Variants in CHERP observed in about 807,000 individuals in gnomAD.
The protein encoded by CHERP is calcium homeostasis endoplasmic reticulum protein, also known as ERPROT 213-21.
In CHERP, 8 loss-of-function variants were observed where a neutral mutation model predicts 113.8. The observed-to-expected ratio is 0.07, with a 90% CI of 0.04 to 0.13. CHERP has a LOEUF of 0.13. Among genes scored for constraint, CHERP ranks in the 10% least tolerant of loss-of-function variants. The probability of loss-of-function intolerance (pLI) is 1.00; values close to 1 mark genes in which losing one functional copy is unlikely to be tolerated. For synonymous variants in CHERP, 559 were observed against 524.5 expected (o/e 1.07, Z -0.90); for missense variants, 884 against 1,298.2 (o/e 0.68, Z 4.90).
chr19:16,541,069 C>A (rs942190600), intron 2 of CHERP: 2 of 151,956 alleles, frequency 1.3e-5, no homozygotes, highest in African/African-American at 4.8e-5. Context: ...TACCTTAATA[C>A]AAGACGAGCG....
chr19:16,540,094 T>C, intron 2 of CHERP: 1 of 152,440 alleles, frequency 6.6e-6, no homozygotes, highest in Non-Finnish European at 1.5e-5. Flanking sequence ...TAGATGGAGT[T>C]TCGCTGTCTC....
chr19:16,532,430 C>A lies in CHERP; in HGVS notation c.674+168G>T. The A allele has an allele frequency of 2.6e-6, 2 of 779,286 alleles. No homozygotes were observed. The highest frequency in any genetic ancestry group is 4.0e-6 in the Non-Finnish European group (2 of 502,440). 48.3% of individuals were successfully genotyped at this position (779,286 alleles called of 1,614,324 possible). A position where few individuals can be genotyped will look rare whatever the true frequency, so the allele number is the denominator to read the frequency against. On this transcript the variant is annotated intron_variant, in intron 5 of 16. Coordinates refer to ENST00000546361, the MANE Select transcript of CHERP (RefSeq NM_006387.6). The surrounding 1 kb of genome is among the most constrained non-coding windows in gnomAD (Gnocchi z 4.4). ...CACCTAGACCTCGCAGTCCTGGAGA[C>A]AGAAGCCTGGTGGCTCACAGAGACC...
intron 2 of CHERP, among the ~76,000 whole-genome samples, chr19:16,539,435 C>A (rs1293194990): frequency 3.9e-5 from 6 of 152,176 alleles, no homozygotes; most frequent in Non-Finnish European, 8.8e-5. Context: ...GCGTGAGCCA[C>A]CGCGCCCGGC....
At chr19:16,521,923 A>C (rs534122172) in intron 11 of CHERP, among the ~76,000 whole-genome samples, 1 of 152,342 alleles carries the variant, frequency 6.6e-6, no homozygotes, top group Admixed American at 6.5e-5. Context: ...CATGGTCTCC[A>C]AACTCAGGTG....
In CHERP at chr19:16,518,512, A is replaced by C. The variant is rs2085570388; in HGVS notation, c.*647T>G. On this transcript the variant is annotated 3_prime_UTR_variant, in exon 17 of 17. Transcript: ENST00000546361. Reference sequence around the variant, plus strand: ...ACTAAGGGCCAGTACGCCTTCGAAGAATTAGGTTTCAGAATCTCACTGGGC... The same window carrying C: ...ACTAAGGGCCAGTACGCCTTCGAAGCATTAGGTTTCAGAATCTCACTGGGC... 1 of 152,240 alleles carries C rather than the reference A, an allele frequency of 6.6e-6. No individual in the cohort carries two copies. Among genetic ancestry groups the C allele is most frequent in the South Asian group, 2.1e-4 (1 of 4,836 alleles). 9.4% of individuals were successfully genotyped at this position (152,240 alleles called of 1,614,324 possible).
rs779300334 is a variant in CHERP at position 16,529,813 on chromosome 19, C to T, written c.964G>A (p.Glu322Lys). 19 of 1,613,536 alleles carry T rather than the reference C, an allele frequency of 1.2e-5. No individual in the cohort carries two copies. The highest frequency in any genetic ancestry group is 9.9e-5 in the South Asian group (9 of 91,088). The change falls in exon 8 of 17, where the codon GAG becomes AAG. Residue 322 changes from glutamate (E) to lysine (K), a missense_variant. Around this residue, in one of 8 missense-constraint regions of CHERP, gnomAD observed 464 missense variants for 590.1 expected, o/e 0.79. Transcript: ENST00000546361. ...QQIQTLKTQH[E>K]EFVTSLAQQQ... The stretch of plus-strand genomic sequence containing the variant: ...TGGGCCAGGCTGGTGACAAACTCCT[C>T]GTGCTGCGTCTTGAGGGTCTGGATC...
chr19:16,529,965 G>C, intron 7 of CHERP, 65 bp from the exon 8 acceptor site: 5 of 1,545,278 alleles, frequency 3.2e-6, no homozygotes, highest in Non-Finnish European at 4.4e-6. Context: ...TGGCGCCAGA[G>C]GACAAACGCC....
Position 16,525,572 on chromosome 19 carries a change from C to T in CHERP, c.1411G>A (p.Gly471Ser), listed in dbSNP as rs936905186. ...GMWGEQRGDP[G>S]WNGQRDAPWN... ...GGCGCGTCGCGCTGGCCGTTCCAGCCGGGGTCACCGCGCTGCTCGCCCCAC... is the reference window on the plus strand; with the variant it reads ...GGCGCGTCGCGCTGGCCGTTCCAGCTGGGGTCACCGCGCTGCTCGCCCCAC... The change falls in exon 10 of 17, where the codon GGC becomes AGC. Residue 471 changes from glycine (G) to serine (S), a missense_variant. By Grantham distance (56) the Gly-to-Ser change is moderately conservative (BLOSUM62 0). Around this residue, in one of 8 missense-constraint regions of CHERP, gnomAD observed 464 missense variants for 590.1 expected, o/e 0.79. Transcript: ENST00000546361. The surrounding 1 kb of genome is among the most constrained non-coding windows in gnomAD (Gnocchi z 6.5). 1 of 1,540,006 alleles carries T rather than the reference C, an allele frequency of 6.5e-7. No individual in the cohort carries two copies. Among genetic ancestry groups the T allele is most frequent in the Non-Finnish European group, 8.7e-7 (1 of 1,146,024 alleles).
intron 12 of CHERP, 141 bp from the exon 13 acceptor site, chr19:16,521,053 A>T: frequency 1.4e-6 from 1 of 720,866 alleles, no homozygotes; most frequent in Non-Finnish European, 2.4e-6. Context: ...GGCGCAGTAG[A>T]GCTTGGTTCA....
Position 16,523,670 on chromosome 19 carries a change from T to C in CHERP, c.1742-380A>G, listed in dbSNP as rs899781350. Among the ~76,000 whole-genome samples, 1 of 152,026 alleles carries C rather than the reference T, an allele frequency of 6.6e-6. No homozygotes were observed. The highest frequency in any genetic ancestry group is 6.6e-5 in the Admixed American group (1 of 15,242). ...ACACAAATGAGTTAAAATGAAGCCA[T>C]AGTGGCCCGAATCCAACGTGACTGT... On this transcript the variant is annotated intron_variant, in intron 10 of 16. Transcript: ENST00000546361. The surrounding 1 kb of genome is among the most constrained non-coding windows in gnomAD (Gnocchi z 4.0).
chr19:16,518,938 G>C lies in CHERP; in HGVS notation c.*221C>G. On this transcript the variant is annotated 3_prime_UTR_variant, in exon 17 of 17. Transcript: ENST00000546361. ...CGAGCCTGGGGCCCTGGTGGCTGCA[G>C]CGCCTCCTGGTGTGGTTTGTGGGTG... The C allele has an allele frequency of 1.7e-6, 1 of 571,460 alleles. No individual in the cohort carries two copies. The highest frequency in any genetic ancestry group is 3.0e-5 in the East Asian group (1 of 32,952). The allele number at this position is 571,460 out of a possible 1,614,324, so 35.4% of individuals were successfully genotyped here.
At chr19:16,533,204 GC>G in intron 3 of CHERP, 56 bp from the exon 4 acceptor site, 7 of 1,532,012 alleles carry the variant, frequency 4.6e-6, no homozygotes, top group Non-Finnish European at 6.2e-6. Context: ...CGCAGCCTGA[GC>G]CCTCCGGCCT....
intron 1 of CHERP, 32 bp downstream of exon 1, chr19:16,542,322 A>C: frequency 7.1e-7 from 1 of 1,410,716 alleles, no homozygotes; most frequent in South Asian, 1.7e-5. Context: ...CCGGGGAGAG[A>C]GAAACGGTCT....
In CHERP at chr19:16,519,546, G is replaced by T. The variant is rs1442442766; in HGVS notation, c.2557+75C>A. The T allele has an allele frequency of 1.4e-6, 2 of 1,396,234 alleles. No homozygotes were observed. Among genetic ancestry groups the T allele is most frequent in the Non-Finnish European group, 2.0e-6 (2 of 984,886 alleles). The allele number at this position is 1,396,234 out of a possible 1,614,324, so 86.5% of individuals were successfully genotyped here. A position where few individuals can be genotyped will look rare whatever the true frequency, so the allele number is the denominator to read the frequency against. ...ATCCATCCCCACATGCACTGAGGAA[G>T]AGAAAGCGCTGGTGACTCCCGGGCC... On this transcript the variant is annotated intron_variant, in intron 16 of 16. Coordinates refer to ENST00000546361, the MANE Select transcript of CHERP (RefSeq NM_006387.6). The surrounding 1 kb of genome is among the most constrained non-coding windows in gnomAD (Gnocchi z 6.0).
chr19:16,524,326 G>A (rs1239048313), intron 10 of CHERP, among the ~76,000 whole-genome samples: 3 of 152,036 alleles, frequency 2.0e-5, no homozygotes, highest in African/African-American at 4.8e-5. Flanking sequence ...AGGCCGAGGC[G>A]GGCGGATCAC....
At chr19:16,527,035 A>G (rs906560954) in intron 9 of CHERP, among the ~76,000 whole-genome samples, 5 of 152,248 alleles carry the variant, frequency 3.3e-5, no homozygotes, top group Non-Finnish European at 7.3e-5. Context: ...AAACGTGTTA[A>G]GACCCCACAT....
At position 16,532,855 on chromosome 19, in the gene CHERP, G is replaced by T; in HGVS notation, c.523-106C>A. 1.3e-6 allele frequency: 2 copies of T among 1,540,140 alleles called. No homozygotes were observed. The highest frequency in any genetic ancestry group is 2.5e-5 in the South Asian group (2 of 80,394). ...ATCAGCTCAGGGAAGGACACACCAT[G>T]AGCGTGGGGGGCACAGGGTCCCACA... On this transcript the variant is annotated intron_variant, in intron 4 of 16. Transcript: ENST00000546361. This position sits in a 1 kb window ranked among gnomAD's most constrained non-coding sequence, Gnocchi z 4.4.
intron 12 of CHERP, chr19:16,521,273 G>A (rs1005431187): frequency 1.6e-5 from 9 of 567,458 alleles, no homozygotes; most frequent in African/African-American, 9.4e-5. Flanking sequence ...TGTGGCAGCC[G>A]GCTGCTTGAG....
intron 10 of CHERP, among the ~76,000 whole-genome samples, chr19:16,524,606 T>G (rs1019187981): frequency 8.0e-5 from 12 of 149,374 alleles, no homozygotes; most frequent in Admixed American, 2.7e-4. Context: ...ATAACAAAGA[T>G]ACTAGGCATG....
Sources: allele counts gnomAD v4.1 joint callset (sites outside exome capture counted in the v4.1 genomes callset), GRCh38; gene constraint gnomAD v4.1.1; regional missense constraint gnomAD v4.1.1; non-coding constraint Gnocchi (gnomAD v3.1); transcripts MANE v1.5; gene names NCBI Gene and HGNC (gene_info 2026-07-23, HGNC 2026-07-21).